Variants in ERBB4 observed in about 807,000 individuals in gnomAD.
ERBB4 encodes the protein receptor tyrosine-protein kinase erbB-4.
ERBB4 carries 42 observed loss-of-function variants against 158.0 expected under a neutral mutation model. The ratio of observed to expected loss-of-function variants is 0.27; its 90% CI spans 0.21 to 0.34. ERBB4 has a LOEUF of 0.34. Among genes scored for constraint, ERBB4 ranks in the 10% least tolerant of loss-of-function variants. The pLI is 1.00. For missense variants in ERBB4, 1,333 were observed against 1,624.1 expected (o/e 0.82, Z 3.08); for synonymous variants, 583 against 558.7 (o/e 1.04, Z -0.61).
chr2:211,802,004 A>C (rs1171932196), intron 3 of ERBB4, among the ~76,000 whole-genome samples: 2 of 152,206 alleles, frequency 1.3e-5, no homozygotes, highest in African/African-American at 2.4e-5. Context: ...TCACGCCTGT[A>C]ATCCCTGCAC....
chr2:212,054,590 C>T (rs1175655188), intron 2 of ERBB4, among the ~76,000 whole-genome samples: 2 of 152,190 alleles, frequency 1.3e-5, no homozygotes, highest in African/African-American at 4.8e-5. Context: ...CCCAGGCCAT[C>T]TTCACCAAAG....
chr2:212,496,543 T>C (rs909950870), intron 1 of ERBB4, among the ~76,000 whole-genome samples: 1 of 152,194 alleles, frequency 6.6e-6, no homozygotes, highest in African/African-American at 2.4e-5. Flanking sequence ...GAGTTCACAA[T>C]AGTTATTTTT....
intron 1 of ERBB4, among the ~76,000 whole-genome samples, chr2:212,265,877 G>A (rs1437965980): frequency 6.6e-6 from 1 of 151,990 alleles, no homozygotes; most frequent in East Asian, 1.9e-4. Flanking sequence ...GTCCTTTTAT[G>A]AATCAAAGTT....
In ERBB4 at chr2:211,824,968, G is replaced by C. The variant is rs563927260; in HGVS notation, c.422-36809C>G. ...TACACTAGGGTACAGTAAAACTTCT[G>C]TATCTTACCTGCCATCTAGTAATAC... On this transcript the variant is annotated intron_variant, in intron 3 of 27. Coordinates refer to ENST00000342788, the MANE Select transcript of ERBB4 (RefSeq NM_005235.3). 2.6e-5 allele frequency among the ~76,000 whole-genome samples: 4 copies of C among 151,892 alleles called. No individual in the cohort carries two copies. In the East Asian group the frequency reaches 7.7e-4, roughly 29 times the overall value.
At chr2:211,592,646 T>C (rs1024817407) in intron 19 of ERBB4, among the ~76,000 whole-genome samples, 4 of 151,988 alleles carry the variant, frequency 2.6e-5, no homozygotes, top group Non-Finnish European at 5.9e-5. Context: ...AAGGGGAATC[T>C]CCCTGGATGA....
At chr2:212,172,572 G>GTA (rs1268095160) in intron 1 of ERBB4, among the ~76,000 whole-genome samples, 1 of 151,980 alleles carries the variant, frequency 6.6e-6, no homozygotes, top group Non-Finnish European at 1.5e-5. Flanking sequence ...TTGTATATGT[G>GTA]TATATACACC....
intron 3 of ERBB4, among the ~76,000 whole-genome samples, chr2:211,861,085 A>ATTT (rs1318788651): frequency 2.4e-5 from 1 of 41,536 alleles, no homozygotes; most frequent in Non-Finnish European, 4.3e-5. Context: ...TATATATTAT[A>ATTT]AAATATATAA....
chr2:211,433,293 G>A (rs963703845), intron 20 of ERBB4, among the ~76,000 whole-genome samples: 2 of 152,102 alleles, frequency 1.3e-5, no homozygotes, highest in African/African-American at 4.8e-5. Flanking sequence ...TTTAAAAAGG[G>A]GAGTGAGGCC....
At chr2:212,479,996 C>T (rs1167271184) in intron 1 of ERBB4, among the ~76,000 whole-genome samples, 12 of 152,014 alleles carry the variant, frequency 7.9e-5, no homozygotes, top group East Asian at 3.9e-4. Context: ...AAGTCCTATA[C>T]GTATTTCTTC....
intron 1 of ERBB4, among the ~76,000 whole-genome samples, chr2:212,251,951 C>T (rs1019529271): frequency 6.6e-6 from 1 of 151,866 alleles, no homozygotes; most frequent in Non-Finnish European, 1.5e-5. Flanking sequence ...AGACAGAAAG[C>T]CACTGCAAAA....
intron 1 of ERBB4, among the ~76,000 whole-genome samples, chr2:212,538,050 G>A (rs1217277592): frequency 6.6e-6 from 1 of 151,952 alleles, no homozygotes; most frequent in Non-Finnish European, 1.5e-5. Context: ...CACCGCCCCA[G>A]GACCGCGGCC....
rs62182992 is a variant in ERBB4 at position 211,732,195 on chromosome 2, A to G, written c.623-7001T>C. Among the ~76,000 whole-genome samples, 1,343 of 152,292 alleles carry G rather than the reference A, an allele frequency of 8.8e-3. 9 individuals carry two copies. Among genetic ancestry groups the G allele is most frequent in the Middle Eastern group, 0.017 (5 of 294 alleles). On this transcript the variant is annotated intron_variant, in intron 5 of 27. Transcript: ENST00000342788. ...TTTCCTATCTCATATTAAATTGCAG[A>G]AGAAATAAGTCAAAAATTGTTGCCT...
intron 20 of ERBB4, among the ~76,000 whole-genome samples, chr2:211,493,303 T>A (rs1322372556): frequency 1.3e-5 from 2 of 152,064 alleles, no homozygotes; most frequent in African/African-American, 4.8e-5. Flanking sequence ...GAAAACTAAT[T>A]GAGGGCAAAA....
At chr2:211,741,501 TAGAGAG>T (rs575541868) in intron 5 of ERBB4, among the ~76,000 whole-genome samples, 14 of 138,510 alleles carry the variant, frequency 1.0e-4, no homozygotes, top group African/African-American at 3.7e-4. Context: ...AGACAGATGA[TAGAGAG>T]AGAGAGAGAG....
intron 3 of ERBB4, among the ~76,000 whole-genome samples, chr2:211,855,103 G>C (rs1472205517): frequency 1.3e-5 from 2 of 152,048 alleles, no homozygotes. Flanking sequence ...TAGTAATTAT[G>C]TTGGGAAGCT....
chr2:212,430,931 T>C (rs989075600), intron 1 of ERBB4, among the ~76,000 whole-genome samples: 2 of 151,976 alleles, frequency 1.3e-5, no homozygotes, highest in Non-Finnish European at 2.9e-5. Flanking sequence ...GTGCTGAGTT[T>C]TAATGACCTT....
At chr2:211,599,903 G>A (rs2068749260) in intron 19 of ERBB4, among the ~76,000 whole-genome samples, 1 of 152,108 alleles carries the variant, frequency 6.6e-6, no homozygotes. Flanking sequence ...TTTCCCAGCA[G>A]TGACTACCTT....
At chr2:211,917,921 C>T (rs1420406580) in intron 3 of ERBB4, among the ~76,000 whole-genome samples, 2 of 152,128 alleles carry the variant, frequency 1.3e-5, no homozygotes, top group Non-Finnish European at 2.9e-5. Flanking sequence ...GAAATTACAG[C>T]TTCTCCACTT....
chr2:211,608,705 C>A (rs184214614), intron 19 of ERBB4, among the ~76,000 whole-genome samples: 1 of 152,000 alleles, frequency 6.6e-6, no homozygotes, highest in Admixed American at 6.6e-5. Flanking sequence ...CCTTTTTCAC[C>A]CTGGCTTTGG....
Sources: allele counts gnomAD v4.1 joint callset (sites outside exome capture counted in the v4.1 genomes callset), GRCh38; gene constraint gnomAD v4.1.1; transcripts MANE v1.5; gene names NCBI Gene and HGNC (gene_info 2026-07-23, HGNC 2026-07-21).